The following CBR4 variants were observed in gnomAD, a reference collection of about 807,000 sequenced individuals.
The protein encoded by CBR4 is 3-oxoacyl-[acyl-carrier-protein] reductase.
Under a neutral mutation model 21.0 loss-of-function variants are expected in CBR4, and 22 were observed. The ratio of observed to expected loss-of-function variants is 1.05; its 90% CI spans 0.75 to 1.50. The LOEUF is 1.50. CBR4 is among the 40% of genes most tolerant of loss of function. The pLI is 0.00. For missense variants in CBR4, 302 were observed against 286.3 expected, an observed-to-expected ratio of 1.05 and a Z score of -0.40; for synonymous variants, 100 against 104.4, an observed-to-expected ratio of 0.96 and a Z score of 0.26.
intron 2 of CBR4, chr4:168,903,957 C>T: frequency 6.7e-7 from 1 of 1,496,436 alleles, no homozygotes; most frequent in Non-Finnish European, 9.3e-7. Flanking sequence ...TGCTTACAGG[C>T]ATTTGATTAG....
intron 2 of CBR4, among the ~76,000 whole-genome samples, chr4:168,954,336 C>T (rs1034327264): frequency 1.4e-4 from 21 of 151,964 alleles, no homozygotes; most frequent in African/African-American, 5.1e-4. Context: ...TAAAGAATAC[C>T]ACAAACTGGG....
intron 2 of CBR4, among the ~76,000 whole-genome samples, chr4:168,904,952 C>G (rs1031416076): frequency 2.6e-5 from 4 of 151,804 alleles, no homozygotes; most frequent in African/African-American, 9.7e-5. Flanking sequence ...CATGGCGAAA[C>G]CCTGTCTCTA....
intron 2 of CBR4, among the ~76,000 whole-genome samples, chr4:168,910,553 C>T (rs745797085): frequency 6.6e-6 from 1 of 151,998 alleles, no homozygotes; most frequent in Non-Finnish European, 1.5e-5. Flanking sequence ...TAATTATATC[C>T]ATAGTGAGTG....
chr4:168,993,373 G>C (rs367877471), intron 4 of CBR4, among the ~76,000 whole-genome samples: 3 of 152,096 alleles, frequency 2.0e-5, no homozygotes, highest in African/African-American at 7.2e-5. Flanking sequence ...ACCATGCCCA[G>C]CTAATTTTTG....
At chr4:168,914,045 A>C in intron 2 of CBR4, 1 of 1,328,028 alleles carries the variant, frequency 7.5e-7, no homozygotes, top group Non-Finnish European at 1.1e-6. Flanking sequence ...TCCTTCCCAG[A>C]AGTGTTACAT....
intron 4 of CBR4, chr4:169,001,240 A>C (rs1442092068): frequency 6.6e-6 from 1 of 150,598 alleles, no homozygotes; most frequent in Non-Finnish European, 1.5e-5. Context: ...CTCCTGCCTC[A>C]GCCTCCCACA....
intron 2 of CBR4, chr4:168,924,514 A>G: frequency 8.5e-7 from 1 of 1,179,992 alleles, no homozygotes; most frequent in Non-Finnish European, 1.3e-6. Flanking sequence ...TCTATGTGTA[A>G]AAGCCACATA....
intron 2 of CBR4, among the ~76,000 whole-genome samples, chr4:168,963,736 G>A (rs1763932240): frequency 6.6e-6 from 1 of 151,872 alleles, no homozygotes; most frequent in Non-Finnish European, 1.5e-5. Flanking sequence ...TCCCAAAGTG[G>A]TGGGAGGCAT....
intron 2 of CBR4, among the ~76,000 whole-genome samples, chr4:168,961,990 G>A (rs7676560): frequency 1.4e-5 from 2 of 139,920 alleles, no homozygotes; most frequent in South Asian, 2.3e-4. Context: ...GAGGAGAGGA[G>A]AGGAAAGGAA....
chr4:168,926,395 C>T (rs1284424325), intron 2 of CBR4: 2 of 1,532,462 alleles, frequency 1.3e-6, no homozygotes, highest in Middle Eastern at 1.7e-4. Context: ...ATCCAGCATT[C>T]TTGTTAAAGC....
chr4:168,974,019 G>T (rs954615261), intron 2 of CBR4, among the ~76,000 whole-genome samples: 1 of 152,072 alleles, frequency 6.6e-6, no homozygotes, highest in African/African-American at 2.4e-5. Context: ...TATAGATCCT[G>T]TGAGATTTAT....
Position 169,006,835 on chromosome 4 carries a change from T to C in CBR4, c.320A>G (p.Asn107Ser), listed in dbSNP as rs753082870. 6.2e-7 allele frequency: 1 copy of C among 1,613,012 alleles called. No homozygotes were observed. The change falls in exon 3 of 5, where the codon AAC (asparagine) becomes AGC (serine). Residue 107 changes from asparagine to serine, a missense_variant. Coordinates refer to ENST00000306193, the MANE Select transcript of CBR4 (RefSeq NM_032783.5). ...ACAGGTCAGCATGGAACCCAAGAGG[T>C]TAGTATGAAGCTGAGATACCATATC... is the stretch of plus-strand genomic sequence containing the variant. ...TEDMVSQLHT[N>S]LLGSMLTCKA...
chr4:168,931,319 G>A (rs1421326701), intron 2 of CBR4, among the ~76,000 whole-genome samples: 1 of 152,116 alleles, frequency 6.6e-6, no homozygotes, highest in Non-Finnish European at 1.5e-5. Flanking sequence ...GGCCTACCCA[G>A]TGGAACTGTG....
intron 2 of CBR4, among the ~76,000 whole-genome samples, chr4:168,938,561 A>G (rs1056534018): frequency 4.6e-5 from 7 of 152,152 alleles, no homozygotes; most frequent in African/African-American, 1.4e-4. Flanking sequence ...ATAGACCACT[A>G]GCCAGGCTAC....
At chr4:169,000,033 TC>T (rs1247553780) in intron 4 of CBR4, among the ~76,000 whole-genome samples, 1 of 152,188 alleles carries the variant, frequency 6.6e-6, no homozygotes, top group Non-Finnish European at 1.5e-5. Context: ...TAAGTACACT[TC>T]CATTCCCCGA....
At chr4:169,004,741 T>A (rs1730759941) in intron 3 of CBR4, among the ~76,000 whole-genome samples, 1 of 152,226 alleles carries the variant, frequency 6.6e-6, no homozygotes, top group Admixed American at 6.5e-5. Context: ...GTACTGTCAA[T>A]CTAAATTGGC....
Position 168,917,049 on chromosome 4 carries a change from G to GGTTTTTTTTTTTTT in CBR4, n.170-22285_170-22284insAAAAAAAAAAAAAC, listed in dbSNP as rs1491537610. Among the ~76,000 whole-genome samples the GGTTTTTTTTTTTTT allele has an allele frequency of 2.4e-5, 3 of 124,876 alleles. 1 individual carries two copies. Among genetic ancestry groups the GGTTTTTTTTTTTTT allele is most frequent in the Admixed American group, 7.9e-5 (1 of 12,702 alleles). The allele number at this position is 124,876 out of a possible 152,430, so 81.9% of individuals were successfully genotyped here. A position where few individuals can be genotyped will look rare whatever the true frequency, so the allele number is the denominator to read the frequency against. ...CAGCAGGGCTTTTTGTTTTTTTGGG[G>GGTTTTTTTTTTTTT]TTTTTTTTTTTTTTTTTGAGACGGA... is the stretch of plus-strand genomic sequence containing the variant. On this transcript the variant is annotated intron_variant and non_coding_transcript_variant, in intron 2 of 3. Coordinates refer to the CBR4 transcript ENST00000509108.
At chr4:168,922,668 TGTG>T (rs1228998589) in intron 2 of CBR4, among the ~76,000 whole-genome samples, 2 of 152,360 alleles carry the variant, frequency 1.3e-5, no homozygotes, top group South Asian at 2.1e-4. Context: ...CACATAAAAA[TGTG>T]GTAAATATGT....
At chr4:168,917,049 G>GGTT (rs1491537610) in intron 2 of CBR4, among the ~76,000 whole-genome samples, 32 of 124,856 alleles carry the variant, frequency 2.6e-4, no homozygotes, top group African/African-American at 4.8e-4. Flanking sequence ...TTTTTTTGGG[G>GGTT]TTTTTTTTTT....
Sources: allele counts gnomAD v4.1 joint callset (sites outside exome capture counted in the v4.1 genomes callset), GRCh38; gene constraint gnomAD v4.1.1; transcripts MANE v1.5; gene names NCBI Gene and HGNC (gene_info 2026-07-23, HGNC 2026-07-21).